ADAM18: variants seen among roughly 807,000 people sequenced by gnomAD.
ADAM18 encodes disintegrin and metalloproteinase domain-containing protein 18.
In ADAM18, 117 loss-of-function variants were observed where a neutral mutation model predicts 94.4. The ratio of observed to expected loss-of-function variants is 1.24; its 90% CI spans 1.07 to 1.45. ADAM18 has a LOEUF of 1.45. ADAM18 is among the 40% of genes most tolerant of loss of function. The pLI is 0.00. For synonymous variants in ADAM18, 327 were observed against 291.6 expected (o/e 1.12, Z -1.24); for missense variants, 936 against 880.0 (o/e 1.06, Z -0.81).
intron 12 of ADAM18, among the ~76,000 whole-genome samples, chr8:39,661,711 T>C (rs1183762319): frequency 1.3e-5 from 2 of 151,954 alleles, no homozygotes; most frequent in Admixed American, 6.6e-5. Flanking sequence ...TATCCCTCTA[T>C]ATGCTGTGAA....
At chr8:39,658,924 A>G (rs943083330) in intron 12 of ADAM18, among the ~76,000 whole-genome samples, 1 of 152,316 alleles carries the variant, frequency 6.6e-6, no homozygotes, top group African/African-American at 2.4e-5. Context: ...GGAGAGGAGT[A>G]CTTCCTATAT....
intron 2 of ADAM18, among the ~76,000 whole-genome samples, chr8:39,602,465 C>T (rs558527549): frequency 6.6e-6 from 1 of 152,190 alleles, no homozygotes; most frequent in Non-Finnish European, 1.5e-5. Context: ...ACAGTTCCAC[C>T]CTTACTGGAA....
At chr8:39,721,771 T>G (rs1822756125) in intron 18 of ADAM18, among the ~76,000 whole-genome samples, 1 of 151,428 alleles carries the variant, frequency 6.6e-6, no homozygotes, top group African/African-American at 2.4e-5. Flanking sequence ...GGTGAAGATG[T>G]GGAGAAAAGG....
At chr8:39,595,743 C>T (rs753699643) in intron 2 of ADAM18, among the ~76,000 whole-genome samples, 9 of 152,108 alleles carry the variant, frequency 5.9e-5, no homozygotes, top group Non-Finnish European at 1.2e-4. Flanking sequence ...AGGCTGGTTT[C>T]AAACTCTTGA....
intron 17 of ADAM18, among the ~76,000 whole-genome samples, chr8:39,695,294 A>T (rs749720417): frequency 1.4e-3 from 208 of 151,554 alleles, no homozygotes; most frequent in Non-Finnish European, 2.2e-3. Context: ...ATGTTTGTTT[A>T]GTTTTGTAGG....
intron 2 of ADAM18, among the ~76,000 whole-genome samples, chr8:39,591,896 C>T (rs891573574): frequency 1.3e-5 from 2 of 152,206 alleles, no homozygotes; most frequent in African/African-American, 4.8e-5. Context: ...GACTGGGCTG[C>T]AGAATGGACG....
At chr8:39,613,719 A>C (rs1463870902) in intron 6 of ADAM18, among the ~76,000 whole-genome samples, 2 of 152,210 alleles carry the variant, frequency 1.3e-5, no homozygotes, top group African/African-American at 4.8e-5. Flanking sequence ...AATCTAAGGA[A>C]TCTAAAGAAT....
intron 12 of ADAM18, among the ~76,000 whole-genome samples, chr8:39,654,477 T>C (rs1370759166): frequency 1.3e-5 from 2 of 152,154 alleles, no homozygotes; most frequent in Non-Finnish European, 2.9e-5. Flanking sequence ...ACCTTGGCTA[T>C]TGTAAATAGT....
chr8:39,720,644 C>A (rs1822719448), intron 18 of ADAM18, among the ~76,000 whole-genome samples: 1 of 151,354 alleles, frequency 6.6e-6, no homozygotes, highest in Non-Finnish European at 1.5e-5. Flanking sequence ...ATATTTGCCT[C>A]ATGGGGTTTA....
intron 14 of ADAM18, 148 bp from the exon 15 acceptor site, chr8:39,677,283 C>T: frequency 3.5e-6 from 2 of 576,746 alleles, no homozygotes; most frequent in Non-Finnish European, 6.0e-6. Context: ...TTATTTCTTT[C>T]TACTTGCATT....
intron 10 of ADAM18, among the ~76,000 whole-genome samples, chr8:39,641,241 C>T (rs551528861): frequency 6.6e-6 from 1 of 152,056 alleles, no homozygotes; most frequent in Non-Finnish European, 1.5e-5. Context: ...GTTCTCCCAG[C>T]ACCATTTATT....
At chr8:39,592,312 C>T (rs867539389) in intron 2 of ADAM18, among the ~76,000 whole-genome samples, 6 of 152,074 alleles carry the variant, frequency 3.9e-5, no homozygotes, top group Non-Finnish European at 8.8e-5. Flanking sequence ...CCAGCAATTT[C>T]ACTAACTGGT....
intron 12 of ADAM18, among the ~76,000 whole-genome samples, chr8:39,658,089 T>A (rs1820736279): frequency 6.6e-6 from 1 of 152,240 alleles, no homozygotes; most frequent in Non-Finnish European, 1.5e-5. Context: ...ATGGCACTCC[T>A]GCTGATGCAA....
chr8:39,636,009 G>T (rs866651745), intron 7 of ADAM18, among the ~76,000 whole-genome samples: 12,511 of 130,360 alleles, frequency 0.096, 676 homozygotes, highest in Non-Finnish European at 0.12. Context: ...AAGTTTTTTT[G>T]TTTTTTTTTT....
At position 39,633,982 on chromosome 8, in the gene ADAM18, A is replaced by G. The variant is rs930318526; in HGVS notation, c.589-3282A>G. Among the ~76,000 whole-genome samples the G allele has an allele frequency of 1.1e-4, 16 of 152,196 alleles. 1 individual carries two copies. The highest frequency in any genetic ancestry group is 3.4e-3 in the Middle Eastern group (1 of 294). On this transcript the variant is annotated intron_variant, in intron 7 of 19. Transcript: ENST00000265707. Reference sequence around the variant, plus strand: ...ACAAGAGCAGAATAACCCCAAAGACATTTTGGAGATCTTCAAGGCTGCCTT... The same window carrying G: ...ACAAGAGCAGAATAACCCCAAAGACGTTTTGGAGATCTTCAAGGCTGCCTT...
At chr8:39,705,140 GTC>G (rs1822204674) in intron 17 of ADAM18, among the ~76,000 whole-genome samples, 1 of 152,090 alleles carries the variant, frequency 6.6e-6, no homozygotes, top group Non-Finnish European at 1.5e-5. Context: ...TCAGGGAAGA[GTC>G]TGATGCTATA....
intron 6 of ADAM18, among the ~76,000 whole-genome samples, chr8:39,616,722 C>T (rs1006305813): frequency 1.3e-4 from 20 of 152,158 alleles, no homozygotes; most frequent in African/African-American, 4.3e-4. Flanking sequence ...TGCACATCTA[C>T]AACCATCTTA....
intron 16 of ADAM18, among the ~76,000 whole-genome samples, chr8:39,692,073 TCAC>T (rs1821798444): frequency 6.6e-6 from 1 of 151,886 alleles, no homozygotes; most frequent in South Asian, 2.1e-4. Flanking sequence ...GGGTGATTAT[TCAC>T]CACCATATTA....
At chr8:39,638,420 A>G in intron 9 of ADAM18, 45 bp from the exon 10 acceptor site, 1 of 1,325,626 alleles carries the variant, frequency 7.5e-7, no homozygotes, top group Non-Finnish European at 1.0e-6. Context: ...TAAGCTTACA[A>G]ATTGTTTTGC....
Sources: allele counts gnomAD v4.1 joint callset (sites outside exome capture counted in the v4.1 genomes callset), GRCh38; gene constraint gnomAD v4.1.1; transcripts MANE v1.5; gene names NCBI Gene and HGNC (gene_info 2026-07-23, HGNC 2026-07-21).